The following ZNF341 variants were observed in gnomAD, a reference collection of about 807,000 sequenced individuals.
ZNF341 encodes zinc finger protein 341.
ZNF341 carries 52 observed loss-of-function variants against 87.7 expected under a neutral mutation model. The ratio of observed to expected loss-of-function variants is 0.59; its 90% CI spans 0.47 to 0.75. The LOEUF is 0.75. Ranked by LOEUF, ZNF341 falls within the 30% of genes least tolerant of loss-of-function variation. ZNF341 has a pLI of 0.00. For missense variants in ZNF341, 977 were observed against 1,145.9 expected, an observed-to-expected ratio of 0.85 and a Z score of 2.13; for synonymous variants, 459 against 472.7, an observed-to-expected ratio of 0.97 and a Z score of 0.38.
At chr20:33,753,951 G>C (rs2019116823) in intron 5 of ZNF341, among the ~76,000 whole-genome samples, 1 of 152,162 alleles carries the variant, frequency 6.6e-6, no homozygotes, top group African/African-American at 2.4e-5. Context: ...GCTGTCAGCT[G>C]CTCTAGGATG....
At chr20:33,788,431 T>A (rs12386250) in intron 12 of ZNF341, 13,962 of 196,250 alleles carry the variant, frequency 0.071, 2,074 homozygotes, top group African/African-American at 0.31. Flanking sequence ...TCAAAAAAAA[T>A]AAATAAATAA....
intron 10 of ZNF341, 96 bp from the exon 11 acceptor site, chr20:33,781,195 G>A (rs1402225523): frequency 1.2e-6 from 1 of 836,490 alleles, no homozygotes; most frequent in East Asian, 2.4e-5. Flanking sequence ...TTAACTGTAG[G>A]ATGTTGCCTC....
intron 12 of ZNF341, among the ~76,000 whole-genome samples, chr20:33,784,816 A>G (rs1312895517): frequency 6.6e-6 from 1 of 151,938 alleles, no homozygotes; most frequent in Non-Finnish European, 1.5e-5. Flanking sequence ...GGGTTTTGCC[A>G]TGTTGGCCAG....
At chr20:33,772,482 A>G (rs2019553020) in intron 10 of ZNF341, among the ~76,000 whole-genome samples, 1 of 152,224 alleles carries the variant, frequency 6.6e-6, no homozygotes, top group Admixed American at 6.6e-5. Flanking sequence ...TGGGCTGCTC[A>G]GGGTGACTGG....
Position 33,791,547 on chromosome 20 carries a change from G to T in ZNF341, c.*30G>T. The T allele has an allele frequency of 6.6e-7, 1 of 1,513,174 alleles. No homozygotes were observed. Among genetic ancestry groups the T allele is most frequent in the South Asian group, 1.3e-5 (1 of 79,466 alleles). 93.7% of individuals were successfully genotyped at this position (1,513,174 alleles called of 1,614,324 possible). On this transcript the variant is annotated 3_prime_UTR_variant, in exon 15 of 15. Transcript: ENST00000375200. ...CCTGAGGTGTCTGTTTCCTGGGCAG[G>T]CCTGATGCTCCTGTTTGGGTCCAGG...
At chr20:33,789,064 A>G in intron 13 of ZNF341, 90 bp downstream of exon 13, 8 of 889,288 alleles carry the variant, frequency 9.0e-6, no homozygotes, top group East Asian at 2.7e-5. Context: ...GTCAGGCCTG[A>G]GGGCAGGCCT....
At chr20:33,790,141 G>A (rs552436719) in intron 14 of ZNF341, among the ~76,000 whole-genome samples, 1 of 149,646 alleles carries the variant, frequency 6.7e-6, no homozygotes, top group Non-Finnish European at 1.5e-5. Flanking sequence ...GTGTGATCTT[G>A]GCTCATTGCA....
chr20:33,752,554 C>A, intron 4 of ZNF341: 1 of 408,912 alleles, frequency 2.4e-6, no homozygotes. Flanking sequence ...TCTGCTGGGT[C>A]CAAGATGGAA....
chr20:33,784,237 A>C (rs945567866), intron 12 of ZNF341, among the ~76,000 whole-genome samples: 1 of 5,250 alleles, frequency 1.9e-4, no homozygotes, highest in East Asian at 8.9e-3. Context: ...CCCCTCCCCC[A>C]TCTCCCTCCC....
chr20:33,736,570 A>C (rs1237973099), intron 1 of ZNF341, among the ~76,000 whole-genome samples: 1 of 151,834 alleles, frequency 6.6e-6, no homozygotes, highest in Non-Finnish European at 1.5e-5. Flanking sequence ...GCTCACTGCA[A>C]CCTCCACATC....
At chr20:33,769,968 A>T in intron 9 of ZNF341, 116 bp from the exon 10 acceptor site, 1 of 670,584 alleles carries the variant, frequency 1.5e-6, no homozygotes, top group Non-Finnish European at 2.6e-6. Context: ...AGGGGGGCAG[A>T]GGGAGCAGTG....
intron 10 of ZNF341, among the ~76,000 whole-genome samples, chr20:33,775,073 T>C (rs757313118): frequency 1.3e-5 from 2 of 152,206 alleles, no homozygotes; most frequent in Non-Finnish European, 2.9e-5. Flanking sequence ...ACTTCTGTCA[T>C]CTCCCATTGT....
At chr20:33,770,343 G>GGGGGGC in intron 10 of ZNF341, 51 bp downstream of exon 10, 3 of 511,254 alleles carry the variant, frequency 5.9e-6, no homozygotes, top group East Asian at 1.2e-4. Context: ...GGTGGGCAGG[G>GGGGGGC]AGCCCAGGGC....
intron 1 of ZNF341, among the ~76,000 whole-genome samples, chr20:33,740,045 G>A (rs2018768538): frequency 1.3e-5 from 2 of 152,106 alleles, no homozygotes; most frequent in South Asian, 2.1e-4. Flanking sequence ...TGTATTTTTA[G>A]TAGAGACAGG....
chr20:33,774,570 GA>G (rs1457202340), intron 10 of ZNF341, among the ~76,000 whole-genome samples: 1 of 152,180 alleles, frequency 6.6e-6, no homozygotes, highest in Non-Finnish European at 1.5e-5. Context: ...TGAATTTGGT[GA>G]AAATTCATCA....
intron 2 of ZNF341, among the ~76,000 whole-genome samples, chr20:33,743,176 C>T (rs985599069): frequency 3.3e-5 from 5 of 151,668 alleles, no homozygotes. Flanking sequence ...GGACTACAGG[C>T]ACCTGCCACC....
rs777682620 is a variant in ZNF341 at position 33,748,967 on chromosome 20, C to G, written c.384C>G (p.Thr128=). The G allele has an allele frequency of 6.2e-7, 1 of 1,614,190 alleles. No individual in the cohort carries two copies. The highest frequency in any genetic ancestry group is 8.5e-7 in the Non-Finnish European group (1 of 1,180,026). Reference sequence around the variant, plus strand: ...TGCCCCCGTCCCCACTGATCCAGACCCTGGTGCAGGGGAACATCTTGGTGA... The same window carrying G: ...TGCCCCCGTCCCCACTGATCCAGACGCTGGTGCAGGGGAACATCTTGGTGA... ...ITVPPSPLIQ[T]LVQGNILVSD... The change falls in exon 4 of 15, where the codon ACC becomes ACG. Residue 128 remains threonine (T), a synonymous_variant. Transcript: ENST00000375200.
At chr20:33,784,771 T>C (rs557575290) in intron 12 of ZNF341, among the ~76,000 whole-genome samples, 15 of 151,972 alleles carry the variant, frequency 9.9e-5, no homozygotes, top group African/African-American at 3.6e-4. Flanking sequence ...CCCACCACCA[T>C]GTCCAGCTAG....
chr20:33,785,851 G>C (rs1373496626), intron 12 of ZNF341, among the ~76,000 whole-genome samples: 1 of 151,856 alleles, frequency 6.6e-6, no homozygotes, highest in Non-Finnish European at 1.5e-5. Flanking sequence ...ATATACCTTG[G>C]CGATGTTCCC....
Sources: gnomAD v4.1 joint callset for allele counts (sites outside exome capture counted in the v4.1 genomes callset) on GRCh38, gnomAD v4.1.1 for gene constraint, MANE v1.5 for transcripts, NCBI Gene and HGNC (gene_info 2026-07-23, HGNC 2026-07-21) for gene names.